DUSP22: variants seen among roughly 807,000 people sequenced by gnomAD.
The protein encoded by DUSP22 is dual specificity phosphatase 22.
Under a neutral mutation model 24.5 loss-of-function variants are expected in DUSP22, and 24 were observed. That is an observed-to-expected ratio of 0.98 (90% CI 0.71 to 1.38). DUSP22 has a LOEUF of 1.38. Ranked by LOEUF, DUSP22 falls within the 40% of genes most tolerant of loss-of-function variation. The probability of loss-of-function intolerance (pLI) is 0.00; values close to 1 mark genes in which losing one functional copy is unlikely to be tolerated. For synonymous variants in DUSP22, 160 were observed against 106.4 expected, an observed-to-expected ratio of 1.50 and a Z score of -3.10; for missense variants, 330 against 269.2, an observed-to-expected ratio of 1.23 and a Z score of -1.58.
At chr6:298,469 T>A (rs1013248996) in intron 1 of DUSP22, among the ~76,000 whole-genome samples, 1 of 152,306 alleles carries the variant, frequency 6.6e-6, no homozygotes, top group East Asian at 1.9e-4. Context: ...GGTTCTTAGA[T>A]GCCATGCATC....
chr6:332,774 G>C (rs1246378423), intron 3 of DUSP22, among the ~76,000 whole-genome samples: 3 of 152,258 alleles, frequency 2.0e-5, no homozygotes, highest in African/African-American at 7.2e-5. Flanking sequence ...TTCCTTGCCA[G>C]ATGGAAGTCG....
chr6:302,513 C>T (rs1757631217), intron 1 of DUSP22, among the ~76,000 whole-genome samples: 3 of 152,310 alleles, frequency 2.0e-5, no homozygotes, highest in South Asian at 4.1e-4. Flanking sequence ...AGGAAGCCCT[C>T]TGCGACCCCA....
At chr6:323,641 A>G (rs1168808291) in intron 3 of DUSP22, among the ~76,000 whole-genome samples, 1 of 152,300 alleles carries the variant, frequency 6.6e-6, no homozygotes, top group African/African-American at 2.4e-5. Context: ...TCCCTTTGCC[A>G]TCTTAGGATG....
At chr6:333,780 G>A (rs986501267) in intron 3 of DUSP22, among the ~76,000 whole-genome samples, 35 of 152,378 alleles carry the variant, frequency 2.3e-4, no homozygotes, top group Admixed American at 8.5e-4. Context: ...CCCGCCCTGC[G>A]CCCACGAAGC....
At chr6:346,294 C>T (rs1387690338) in intron 5 of DUSP22, among the ~76,000 whole-genome samples, 1 of 152,304 alleles carries the variant, frequency 6.6e-6, no homozygotes, top group East Asian at 1.9e-4. Flanking sequence ...ACCTCAGTGG[C>T]TTTTTGAAGA....
chr6:298,585 T>G (rs912569394), intron 1 of DUSP22, among the ~76,000 whole-genome samples: 5 of 152,302 alleles, frequency 3.3e-5, no homozygotes, highest in African/African-American at 1.2e-4. Context: ...AGGATTTGTG[T>G]TTTTGCATTT....
At chr6:292,772 C>T (rs1757149400) in intron 1 of DUSP22, among the ~76,000 whole-genome samples, 1 of 152,250 alleles carries the variant, frequency 6.6e-6, no homozygotes, top group Non-Finnish European at 1.5e-5. Flanking sequence ...GGGTAGGCAG[C>T]CCCCAGCCGC....
Position 349,262 on chromosome 6 carries a change from T to C in DUSP22, c.*311T>C. 1 of 1,328,354 alleles carries C rather than the reference T, an allele frequency of 7.5e-7. No individual in the cohort carries two copies. Among genetic ancestry groups the C allele is most frequent in the South Asian group, 1.7e-5 (1 of 57,786 alleles). 82.3% of individuals were successfully genotyped at this position (1,328,354 alleles called of 1,614,324 possible). ...GACTAAGTGGATGCATGTGTGTGCC[T>C]GTGTGAGTGAGGGTATGTGCACCTA... On this transcript the variant is annotated 3_prime_UTR_variant, in exon 7 of 7. Coordinates refer to ENST00000419235, the MANE Select transcript of DUSP22 (RefSeq NM_001286555.3).
At chr6:347,179 G>T (rs1252938022) in intron 5 of DUSP22, among the ~76,000 whole-genome samples, 5 of 152,306 alleles carry the variant, frequency 3.3e-5, no homozygotes, top group African/African-American at 1.2e-4. Flanking sequence ...AATCTCCAGG[G>T]TTGCAGCCCC....
At position 350,189 on chromosome 6, in the gene DUSP22, G is replaced by T. The variant is rs1432499833; in HGVS notation, c.*1238G>T. Reference sequence around the variant, plus strand: ...GTCATGATTGCTTTTGAAACCAAAGGGGAAGGTACCGATATCATTGAGCTA... The same window carrying T: ...GTCATGATTGCTTTTGAAACCAAAGTGGAAGGTACCGATATCATTGAGCTA... On this transcript the variant is annotated 3_prime_UTR_variant, in exon 7 of 7. Coordinates refer to ENST00000419235, the MANE Select transcript of DUSP22 (RefSeq NM_001286555.3). 1.0e-6 allele frequency: 1 copy of T among 986,136 alleles called. No homozygotes were observed. Among genetic ancestry groups the T allele is most frequent in the African/African-American group, 1.7e-5 (1 of 57,278 alleles). 61.1% of individuals were successfully genotyped at this position (986,136 alleles called of 1,614,324 possible).
At chr6:338,228 T>G (rs1331028479) in intron 4 of DUSP22, 2 of 152,368 alleles carry the variant, frequency 1.3e-5, no homozygotes, top group Non-Finnish European at 2.9e-5. Flanking sequence ...TAAATATTGC[T>G]TGCTGTACTA....
rs1205887119 is a variant in DUSP22, at chr6:334,232, AT to A, written c.139-880del. Among the ~76,000 whole-genome samples the A allele has an allele frequency of 2.6e-5, 4 of 152,424 alleles. No individual in the cohort carries two copies. The East Asian group carries it at 7.7e-4, about 29-fold the overall frequency. ...ACATTGTCTGTGACACGGTGGCAAG[AT>A]TCTGTGAGATTAGGCAATTAAGAGA... On this transcript the variant is annotated intron_variant, in intron 3 of 6. Transcript: ENST00000419235.
At chr6:348,380 CCA>C (rs1759991835) in intron 6 of DUSP22, 106 bp downstream of exon 6, 2 of 1,537,394 alleles carry the variant, frequency 1.3e-6, no homozygotes, top group East Asian at 4.5e-5. Context: ...GTTGAAAGGC[CCA>C]CAGAGGACAT....
At chr6:312,040 A>T (rs949514044) in intron 3 of DUSP22, 78 bp downstream of exon 3, 4 of 1,443,540 alleles carry the variant, frequency 2.8e-6, no homozygotes, top group Non-Finnish European at 3.8e-6. Context: ...AATGAAGGCA[A>T]CCAGGTTCTC....
intron 1 of DUSP22, among the ~76,000 whole-genome samples, chr6:302,948 G>A (rs1405585190): frequency 1.3e-5 from 2 of 152,298 alleles, no homozygotes; most frequent in African/African-American, 4.8e-5. Context: ...GGGGTCTTAG[G>A]GGATACGCTT....
At chr6:303,574 G>T (rs1436858869) in intron 1 of DUSP22, among the ~76,000 whole-genome samples, 2 of 152,430 alleles carry the variant, frequency 1.3e-5, no homozygotes, top group East Asian at 3.8e-4. Flanking sequence ...TAGGGGAGCT[G>T]CAGGGTTGGC....
chr6:350,830 G>A lies in DUSP22; in HGVS notation c.*1879G>A, dbSNP rs757843915. The A allele has an allele frequency of 6.2e-7, 1 of 1,614,280 alleles. No homozygotes were observed. The highest frequency in any genetic ancestry group is 1.1e-5 in the South Asian group (1 of 91,086). On this transcript the variant is annotated 3_prime_UTR_variant, in exon 7 of 7. Transcript: ENST00000419235. The stretch of plus-strand genomic sequence containing the variant: ...ATGTTCTTTCTTCACAGCCGCTCCG[G>A]GAATTCTGAAGTTCTGGGCCTTTCT...
intron 3 of DUSP22, among the ~76,000 whole-genome samples, chr6:332,644 C>T (rs79187772): frequency 6.7e-4 from 99 of 148,114 alleles, no homozygotes; most frequent in African/African-American, 2.2e-3. Context: ...TCCTGTCCTT[C>T]TTTTTTTTTT....
chr6:338,346 C>G (rs1044545434), intron 4 of DUSP22, among the ~76,000 whole-genome samples: 1 of 152,412 alleles, frequency 6.6e-6, no homozygotes, highest in Admixed American at 6.5e-5. Context: ...TACAAGTGTT[C>G]TACTGGAAGG....
Sources: allele counts gnomAD v4.1 joint callset (sites outside exome capture counted in the v4.1 genomes callset), GRCh38; gene constraint gnomAD v4.1.1; transcripts MANE v1.5; gene names NCBI Gene and HGNC (gene_info 2026-07-23, HGNC 2026-07-21).